Variants in ZBBX observed in about 807,000 individuals in gnomAD.
The protein encoded by ZBBX is zinc finger B-box domain containing, also known as zinc finger B-box domain-containing protein 1.
ZBBX carries 101 observed loss-of-function variants against 108.5 expected under a neutral mutation model. The ratio of observed to expected loss-of-function variants is 0.93; its 90% CI spans 0.79 to 1.10. ZBBX has a LOEUF of 1.10. ZBBX is among the 50% of genes least tolerant of loss of function. The pLI is 0.00. For missense variants in ZBBX, 1,009 were observed against 941.4 expected (o/e 1.07, Z -0.94); for synonymous variants, 356 against 323.4 (o/e 1.10, Z -1.08).
At chr3:167,385,442 T>C (rs1230138687) in intron 1 of ZBBX, among the ~76,000 whole-genome samples, 6 of 152,058 alleles carry the variant, frequency 3.9e-5, no homozygotes, top group African/African-American at 7.2e-5. Context: ...GTAGGTACTA[T>C]AGACTTTATA....
rs775506840 is a variant in ZBBX at position 167,282,512 on chromosome 3, A to G, written c.1997-17T>C. 3 of 1,585,098 alleles carry G rather than the reference A, an allele frequency of 1.9e-6. No homozygotes were observed. Among genetic ancestry groups the G allele is most frequent in the Non-Finnish European group, 2.6e-6 (3 of 1,168,460 alleles). The stretch of plus-strand genomic sequence containing the variant: ...ATTTCTGACCTAAAATTAAAAGTAA[A>G]AAGTTTTTAAATCAACTTTTAAAAA... On this transcript the variant is annotated splice_polypyrimidine_tract_variant and intron_variant, in intron 19 of 21. Coordinates refer to ENST00000675490, the MANE Select transcript of ZBBX (RefSeq NM_001199201.2).
the ZBBX span, among the ~76,000 whole-genome samples, chr3:167,228,979 C>A: frequency 6.6e-6 from 1 of 151,798 alleles, no homozygotes; most frequent in Non-Finnish European, 1.5e-5. Context: ...TATGTTGCTT[C>A]CTGCTCCTAT....
At chr3:167,273,298 T>C (rs1726870994) in intron 20 of ZBBX, among the ~76,000 whole-genome samples, 1 of 152,194 alleles carries the variant, frequency 6.6e-6, no homozygotes. Flanking sequence ...GCAATTGTTA[T>C]GCTCGTGCAC....
chr3:167,230,883 T>C, the ZBBX span, among the ~76,000 whole-genome samples: 33 of 151,888 alleles, frequency 2.2e-4, no homozygotes, highest in African/African-American at 8.0e-4. Flanking sequence ...AGATTTTGGA[T>C]TAGTGTGAGA....
chr3:167,405,121 C>A (rs1191365945), intron 1 of ZBBX, among the ~76,000 whole-genome samples: 1 of 152,138 alleles, frequency 6.6e-6, no homozygotes, highest in East Asian at 1.9e-4. Context: ...AGAGGAAAGG[C>A]AATGAGCTCT....
rs151190037 is a variant in ZBBX at position 167,251,306 on chromosome 3, C to T, written c.2255-8663G>A. Among the ~76,000 whole-genome samples the T allele has an allele frequency of 1.7e-4, 26 of 152,332 alleles. 2 individuals carry two copies. Among genetic ancestry groups the T allele is most frequent in the African/African-American group, 5.1e-4 (21 of 41,574 alleles). On this transcript the variant is annotated intron_variant, in intron 20 of 21. Coordinates refer to ENST00000675490, the MANE Select transcript of ZBBX (RefSeq NM_001199201.2). ...ACCTGGGATACAGAAAGCCCTCCAT[C>T]CTTGTGACAAGGTAGAGGGTCTAAC...
rs1221521784 is a variant in ZBBX, at chr3:167,375,341, C to T, written c.-131-1554G>A. On this transcript the variant is annotated intron_variant, in intron 2 of 21. Coordinates refer to ENST00000675490, the MANE Select transcript of ZBBX (RefSeq NM_001199201.2). ...ACGCGGTGGCTGACACCTGTAATCC[C>T]AGTACCTTGGGAGGCCAAGGTGGGC... Among the ~76,000 whole-genome samples, 8 of 152,228 alleles carry T rather than the reference C, an allele frequency of 5.3e-5. No individual in the cohort carries two copies. The South Asian group carries it at 1.0e-3, about 20-fold the overall frequency.
At position 167,309,529 on chromosome 3, in the gene ZBBX, C is replaced by T. The variant is rs891754755; in HGVS notation, c.1418-3579G>A. ...AAACCTCAAGTCTTATCTTCTGTGACTCACAGGCCCAACACCATGTGGAAG... is the reference window on the plus strand; with the variant it reads ...AAACCTCAAGTCTTATCTTCTGTGATTCACAGGCCCAACACCATGTGGAAG... On this transcript the variant is annotated intron_variant, in intron 16 of 21. Coordinates refer to ENST00000675490, the MANE Select transcript of ZBBX (RefSeq NM_001199201.2). Among the ~76,000 whole-genome samples the T allele has an allele frequency of 3.9e-5, 6 of 152,264 alleles. No individual in the cohort carries two copies. The South Asian group carries it at 6.2e-4, about 16-fold the overall frequency.
chr3:167,379,310 C>A (rs1053804401), intron 2 of ZBBX, among the ~76,000 whole-genome samples: 3 of 152,090 alleles, frequency 2.0e-5, no homozygotes, highest in Non-Finnish European at 4.4e-5. Flanking sequence ...AACTTACACT[C>A]TGGTGAAGGA....
At chr3:167,388,610 A>G (rs1747994113) in intron 1 of ZBBX, among the ~76,000 whole-genome samples, 1 of 152,160 alleles carries the variant, frequency 6.6e-6, no homozygotes, top group African/African-American at 2.4e-5. Context: ...AGATTAAACA[A>G]AATAAACGTT....
chr3:167,185,466 T>G, the ZBBX span, among the ~76,000 whole-genome samples: 1 of 152,148 alleles, frequency 6.6e-6, no homozygotes, highest in Non-Finnish European at 1.5e-5. Context: ...ACATTTATAC[T>G]TTTTCAACAC....
At chr3:167,178,565 G>C in the ZBBX span, among the ~76,000 whole-genome samples, 1 of 152,146 alleles carries the variant, frequency 6.6e-6, no homozygotes, top group African/African-American at 2.4e-5. Flanking sequence ...GGATCCTCAG[G>C]TTCCTCCCAG....
the ZBBX span, among the ~76,000 whole-genome samples, chr3:167,180,721 T>C: frequency 6.6e-6 from 1 of 152,218 alleles, no homozygotes; most frequent in African/African-American, 2.4e-5. Flanking sequence ...CTGCAGGTTG[T>C]TTACCGCAGG....
At chr3:167,338,678 G>A (rs1438785914) in intron 9 of ZBBX, among the ~76,000 whole-genome samples, 1 of 152,058 alleles carries the variant, frequency 6.6e-6, no homozygotes, top group East Asian at 1.9e-4. Flanking sequence ...GAGATTTATT[G>A]TAACCACAGC....
the ZBBX span, among the ~76,000 whole-genome samples, chr3:167,227,568 TA>T: frequency 2.6e-5 from 4 of 151,638 alleles, no homozygotes; most frequent in South Asian, 4.2e-4. Context: ...TTTAGTTTCA[TA>T]AAAAAAATTT....
chr3:167,284,409 C>T (rs1418069728), intron 19 of ZBBX, among the ~76,000 whole-genome samples: 1 of 152,024 alleles, frequency 6.6e-6, no homozygotes, highest in Non-Finnish European at 1.5e-5. Context: ...AAGTTCTACT[C>T]TATGGGGTAA....
chr3:167,332,259 C>G (rs1025439059), intron 10 of ZBBX, among the ~76,000 whole-genome samples: 12 of 147,476 alleles, frequency 8.1e-5, no homozygotes, highest in African/African-American at 2.5e-4. Context: ...ACCAGAATCA[C>G]TGAGGAGTTA....
chr3:167,212,343 T>C, the ZBBX span, among the ~76,000 whole-genome samples: 2 of 152,180 alleles, frequency 1.3e-5, no homozygotes, highest in East Asian at 3.9e-4. Context: ...ACCAGAGCCA[T>C]TGAGCCAGTA....
At position 167,240,893 on chromosome 3, in the gene ZBBX, T is replaced by G; in HGVS notation, c.2420A>C (p.Gln807Pro). 4 of 1,613,434 alleles carry G rather than the reference T, an allele frequency of 2.5e-6. No homozygotes were observed. Among genetic ancestry groups the G allele is most frequent in the Non-Finnish European group, 3.4e-6 (4 of 1,179,500 alleles). ...GCTCTCAGAAAGTGACAGCAAAGAC[T>G]GAATTTTGGTATCTCTTCCAGAACA... ...LSCSGRDTKI[Q>P]SLLSLSESST... is the part of the protein sequence containing the mutation. The change falls in exon 22 of 22, where the codon CAG becomes CCG. Residue 807 changes from glutamine (Q) to proline (P), a missense_variant. Physicochemically the swap from Gln to Pro is moderately conservative, Grantham distance 76 (BLOSUM62 -1). Coordinates refer to ENST00000675490, the MANE Select transcript of ZBBX (RefSeq NM_001199201.2).
Sources: allele counts gnomAD v4.1 joint callset (sites outside exome capture counted in the v4.1 genomes callset), GRCh38; gene constraint gnomAD v4.1.1; transcripts MANE v1.5; gene names NCBI Gene and HGNC (gene_info 2026-07-23, HGNC 2026-07-21).